Variants in SPON1 observed in about 807,000 individuals in gnomAD.
SPON1 encodes the protein spondin 1.
SPON1 carries 52 observed loss-of-function variants against 111.7 expected under a neutral mutation model. The observed-to-expected ratio is 0.47, with a 90% confidence interval of 0.37 to 0.59. The LOEUF is 0.59. SPON1 is among the 20% of genes least tolerant of loss of function. The probability of loss-of-function intolerance (pLI) is 0.00; values close to 1 mark genes in which losing one functional copy is unlikely to be tolerated. For synonymous variants in SPON1, 410 were observed against 395.8 expected (o/e 1.04, Z -0.43); for missense variants, 957 against 1,068.5 (o/e 0.90, Z 1.46).
rs1175387421 is a variant in SPON1 at position 14,005,344 on chromosome 11, AAC to A, written c.345+22393_345+22394del. Among the ~76,000 whole-genome samples the A allele has an allele frequency of 7.2e-5, 11 of 152,298 alleles. No individual in the cohort carries two copies. The East Asian group carries it at 2.1e-3, about 29-fold the overall frequency. ...TGTCTGATTCTGATGTCCCCTAGAGAACAAGATCATCCCCATTGAGATCTGCT... is the reference window on the plus strand; with the variant it reads ...TGTCTGATTCTGATGTCCCCTAGAGAAAGATCATCCCCATTGAGATCTGCT... On this transcript the variant is annotated intron_variant, in intron 2 of 15. Transcript: ENST00000576479.
intron 2 of SPON1, among the ~76,000 whole-genome samples, chr11:13,998,097 A>G (rs927807563): frequency 5.3e-5 from 8 of 152,178 alleles, no homozygotes; most frequent in African/African-American, 1.7e-4. Context: ...ACATAAATAA[A>G]TGTATTAACC....
Position 14,267,175 on chromosome 11 carries a change from A to G in SPON1, c.*1488A>G, listed in dbSNP as rs544846231. 6.6e-6 allele frequency: 1 copy of G among 152,362 alleles called. No homozygotes were observed. The highest frequency in any genetic ancestry group is 2.4e-5 in the African/African-American group (1 of 41,590). The allele number at this position is 152,362 out of a possible 1,614,324, so 9.4% of individuals were successfully genotyped here. ...GTATAGTCCTGAATATGTACTTTTA[A>G]CACAAGAGAGACTATTCAATAAAAA... On this transcript the variant is annotated 3_prime_UTR_variant, in exon 16 of 16. Coordinates refer to ENST00000576479, the MANE Select transcript of SPON1 (RefSeq NM_006108.4).
chr11:14,231,355 G>T lies in SPON1; in HGVS notation c.826-11977G>T, dbSNP rs149670067. Reference sequence around the variant, plus strand: ...TTACCGTGTTAGCCAGGATGGTCTCGATCTCCTGACCGCGTGATCCACCTG... The same window carrying T: ...TTACCGTGTTAGCCAGGATGGTCTCTATCTCCTGACCGCGTGATCCACCTG... On this transcript the variant is annotated intron_variant, in intron 6 of 15. Transcript: ENST00000576479. Among the ~76,000 whole-genome samples, 680 of 151,442 alleles carry T rather than the reference G, an allele frequency of 4.5e-3. 7 individuals carry two copies. Among genetic ancestry groups the T allele is most frequent in the Non-Finnish European group, 5.6e-3 (380 of 67,846 alleles).
intron 6 of SPON1, among the ~76,000 whole-genome samples, chr11:14,231,470 G>T (rs1195845499): frequency 1.3e-5 from 2 of 152,072 alleles, no homozygotes; most frequent in African/African-American, 2.4e-5. Context: ...TATTCACATG[G>T]TTTGAAAATC....
chr11:14,032,522 C>T lies in SPON1; in HGVS notation c.346-8999C>T, dbSNP rs1179745737. On this transcript the variant is annotated intron_variant, in intron 2 of 15. Coordinates refer to ENST00000576479, the MANE Select transcript of SPON1 (RefSeq NM_006108.4). ...AAGGGGAACCACAACATACCGAGGG[C>T]CTGTTAACAGCTGCTGGCTGCTTCG... Among the ~76,000 whole-genome samples, 7 of 152,184 alleles carry T rather than the reference C, an allele frequency of 4.6e-5. 1 individual carries two copies. Among genetic ancestry groups the T allele is most frequent in the Admixed American group, 4.6e-4 (7 of 15,286 alleles).
At chr11:13,999,554 C>A (rs946907401) in intron 2 of SPON1, among the ~76,000 whole-genome samples, 1 of 151,978 alleles carries the variant, frequency 6.6e-6, no homozygotes, top group African/African-American at 2.4e-5. Flanking sequence ...TACAGGCACC[C>A]GCCATCACAC....
At chr11:13,999,431 T>A (rs1848299005) in intron 2 of SPON1, among the ~76,000 whole-genome samples, 1 of 151,796 alleles carries the variant, frequency 6.6e-6, no homozygotes. Flanking sequence ...TTTCTTTTTT[T>A]TTTTTTTGAG....
intron 3 of SPON1, among the ~76,000 whole-genome samples, chr11:14,069,904 C>G (rs1434544070): frequency 6.6e-6 from 1 of 151,996 alleles, no homozygotes; most frequent in African/African-American, 2.4e-5. Flanking sequence ...TTTCACTTTT[C>G]TTCTCCCATG....
chr11:13,976,333 A>C lies in SPON1; in HGVS notation c.239-6514A>C, dbSNP rs373762250. 3.0e-3 allele frequency among the ~76,000 whole-genome samples: 460 copies of C among 152,288 alleles called. 2 individuals are homozygous for C. Among genetic ancestry groups the C allele is most frequent in the African/African-American group, 0.011 (438 of 41,546 alleles). On this transcript the variant is annotated intron_variant, in intron 1 of 15. Coordinates refer to ENST00000576479, the MANE Select transcript of SPON1 (RefSeq NM_006108.4). ...GAGAAGATTCTATTATTTACTGCCA[A>C]GCAGTCATTTTAGGTTATTACTGGG...
chr11:14,258,007 G>T, intron 11 of SPON1, 109 bp downstream of exon 11: 1 of 1,056,714 alleles, frequency 9.5e-7, no homozygotes, highest in Non-Finnish European at 1.3e-6. Flanking sequence ...CCTGACAGTA[G>T]ATGTCAGTGG....
chr11:14,105,925 A>G (rs1025676925), intron 5 of SPON1, among the ~76,000 whole-genome samples: 11 of 152,198 alleles, frequency 7.2e-5, no homozygotes, highest in Non-Finnish European at 1.5e-4. Context: ...CTATCAAGGT[A>G]AAGTCCCATT....
intron 7 of SPON1, among the ~76,000 whole-genome samples, chr11:14,245,179 G>A (rs550200724): frequency 1.3e-5 from 2 of 152,114 alleles, no homozygotes; most frequent in Non-Finnish European, 2.9e-5. Flanking sequence ...AAAGGAAGAC[G>A]CCCCAGGATA....
chr11:14,177,720 G>A (rs1554933255), intron 6 of SPON1, among the ~76,000 whole-genome samples: 2 of 152,156 alleles, frequency 1.3e-5, no homozygotes, highest in Non-Finnish European at 2.9e-5. Flanking sequence ...CAAGAAGGAG[G>A]TCTGCTTTGG....
Position 14,179,574 on chromosome 11 carries a change from C to A in SPON1, c.825+44006C>A, listed in dbSNP as rs180911779. ...AGCAGAGGCCTTGGATGAGACATAT[C>A]TGACTGGGACTGCCAGTGCTGTGTG... On this transcript the variant is annotated intron_variant, in intron 6 of 15. Transcript: ENST00000576479. Among the ~76,000 whole-genome samples, 129 of 152,232 alleles carry A rather than the reference C, an allele frequency of 8.5e-4. 2 individuals carry two copies. Among genetic ancestry groups the A allele is most frequent in the Admixed American group, 7.2e-3 (110 of 15,288 alleles).
intron 6 of SPON1, among the ~76,000 whole-genome samples, chr11:14,236,800 T>C (rs1848872166): frequency 7.3e-6 from 1 of 136,830 alleles, no homozygotes; most frequent in Admixed American, 7.3e-5. Flanking sequence ...TGACCAGCTG[T>C]GTCAAATACT....
At chr11:14,080,102 G>A in intron 5 of SPON1, 81 bp downstream of exon 5, 2 of 1,549,582 alleles carry the variant, frequency 1.3e-6, no homozygotes, top group African/African-American at 1.4e-5. Context: ...ACTAGCTGCA[G>A]CATGTCAGAT....
chr11:14,248,473 G>A (rs537661786), intron 7 of SPON1, among the ~76,000 whole-genome samples: 2 of 151,930 alleles, frequency 1.3e-5, no homozygotes, highest in African/African-American at 2.4e-5. Flanking sequence ...TGAGGCCTCC[G>A]TGGAACAAAA....
intron 5 of SPON1, among the ~76,000 whole-genome samples, chr11:14,109,951 G>C (rs1248985007): frequency 6.6e-6 from 1 of 152,138 alleles, no homozygotes; most frequent in East Asian, 1.9e-4. Flanking sequence ...CTACTCCTGC[G>C]TCACAGCACA....
intron 2 of SPON1, among the ~76,000 whole-genome samples, chr11:14,021,888 C>T (rs1848483726): frequency 6.6e-6 from 1 of 152,222 alleles, no homozygotes; most frequent in Admixed American, 6.5e-5. Flanking sequence ...ACCCATCGCT[C>T]TTGCTCTTTA....
Sources: allele counts gnomAD v4.1 joint callset (sites outside exome capture counted in the v4.1 genomes callset), GRCh38; gene constraint gnomAD v4.1.1; transcripts MANE v1.5; gene names NCBI Gene and HGNC (gene_info 2026-07-23, HGNC 2026-07-21).